KALRN: variants seen among roughly 807,000 people sequenced by gnomAD.
KALRN encodes the protein kalirin RhoGEF kinase.
KALRN carries 70 observed loss-of-function variants against 353.7 expected under a neutral mutation model. That is an observed-to-expected ratio of 0.20 (90% confidence interval 0.16 to 0.24). KALRN has a LOEUF of 0.24. Among genes scored for constraint, KALRN ranks in the 10% least tolerant of loss-of-function variants. The pLI is 1.00. For missense variants in KALRN, 2,791 were observed against 3,756.7 expected, an observed-to-expected ratio of 0.74 and a Z score of 6.72; for synonymous variants, 1,391 against 1,434.8, an observed-to-expected ratio of 0.97 and a Z score of 0.69.
chr3:124,037,432 AT>A (rs974233507), intron 1 of KALRN, among the ~76,000 whole-genome samples: 1 of 152,294 alleles, frequency 6.6e-6, no homozygotes, highest in Admixed American at 6.5e-5. Context: ...GGGAAACAGG[AT>A]TGGAGAAGTG....
At chr3:124,492,191 GA>G (rs1561123148) in intron 31 of KALRN, among the ~76,000 whole-genome samples, 1 of 151,958 alleles carries the variant, frequency 6.6e-6, no homozygotes, top group African/African-American at 2.4e-5. Context: ...AGAATTACCA[GA>G]AAAAAAATTC....
chr3:124,423,102 C>T (rs942309666), intron 15 of KALRN, 124 bp downstream of exon 15: 18 of 792,548 alleles, frequency 2.3e-5, no homozygotes, highest in African/African-American at 2.3e-4. Context: ...ACCAGCACTT[C>T]GAAAATAGGT....
chr3:124,640,203 T>C (rs1435215223), intron 37 of KALRN, among the ~76,000 whole-genome samples: 3 of 151,894 alleles, frequency 2.0e-5, no homozygotes, highest in Non-Finnish European at 2.9e-5. Context: ...AATGTACAGA[T>C]CAAAAGAAGC....
intron 1 of KALRN, among the ~76,000 whole-genome samples, chr3:124,197,633 G>T (rs148665105): frequency 1.8e-3 from 267 of 152,290 alleles, no homozygotes; most frequent in African/African-American, 6.1e-3. Flanking sequence ...TGTAAAGATA[G>T]ACCATTCTAA....
At chr3:124,328,833 T>C (rs2149423403) in intron 7 of KALRN, among the ~76,000 whole-genome samples, 1 of 152,356 alleles carries the variant, frequency 6.6e-6, no homozygotes, top group East Asian at 1.9e-4. Context: ...GTATCTATTT[T>C]TTAATGCAAT....
intron 4 of KALRN, among the ~76,000 whole-genome samples, chr3:124,267,195 A>G (rs1340565816): frequency 6.6e-6 from 1 of 152,218 alleles, no homozygotes; most frequent in Non-Finnish European, 1.5e-5. Context: ...TATACAACAG[A>G]TATATAATAA....
chr3:124,454,040 T>C (rs1405309150), intron 21 of KALRN, among the ~76,000 whole-genome samples: 1 of 152,220 alleles, frequency 6.6e-6, no homozygotes, highest in African/African-American at 2.4e-5. Flanking sequence ...AACAAACTCT[T>C]GCTAAAAATG....
At chr3:124,356,065 T>G (rs1025139960) in intron 10 of KALRN, among the ~76,000 whole-genome samples, 4 of 152,146 alleles carry the variant, frequency 2.6e-5, no homozygotes, top group Non-Finnish European at 5.9e-5. Flanking sequence ...CAAGAACAGC[T>G]TCTCTGAACT....
intron 3 of KALRN, among the ~76,000 whole-genome samples, chr3:124,264,122 TC>T (rs559980032): frequency 1.1e-3 from 174 of 151,706 alleles, no homozygotes; most frequent in African/African-American, 4.0e-3. Flanking sequence ...GTATCTCTAA[TC>T]CGAAAATCCA....
chr3:124,334,462 G>T lies in KALRN; in HGVS notation c.1614G>T (p.Leu538=). 1 of 1,613,918 alleles carries T rather than the reference G, an allele frequency of 6.2e-7. No individual in the cohort carries two copies. Among genetic ancestry groups the T allele is most frequent in the Non-Finnish European group, 8.5e-7 (1 of 1,179,844 alleles). The change falls in exon 9 of 60, where the codon CTG becomes CTT. Residue 538 remains leucine (L), a synonymous_variant. Coordinates refer to ENST00000682506, the MANE Select transcript of KALRN (RefSeq NM_001388419.1). This position sits in a 1 kb window ranked among gnomAD's most constrained non-coding sequence, Gnocchi z 4.2. The part of the protein sequence containing the change: ...QHRKVRLHQR[L]QLCVFQQDVQ... ...GCAAGGTGCGGCTCCACCAGCGGCT[G>T]CAGCTCTGCGTCTTCCAGCAGGATG...
intron 1 of KALRN, among the ~76,000 whole-genome samples, chr3:124,145,922 G>A (rs1172774539): frequency 5.3e-5 from 8 of 152,188 alleles, no homozygotes; most frequent in Non-Finnish European, 1.5e-5. Flanking sequence ...GGGACAAAGT[G>A]TTCTCTTTAG....
At chr3:124,405,644 T>G (rs1229716823) in intron 13 of KALRN, among the ~76,000 whole-genome samples, 3 of 142,324 alleles carry the variant, frequency 2.1e-5, no homozygotes, top group African/African-American at 7.8e-5. Flanking sequence ...CAGGGTTTTT[T>G]TTTTTTTTTT....
At chr3:124,304,386 G>A (rs1411702637) in intron 6 of KALRN, among the ~76,000 whole-genome samples, 1 of 152,000 alleles carries the variant, frequency 6.6e-6, no homozygotes, top group African/African-American at 2.4e-5. Flanking sequence ...ATAATCTCTG[G>A]GAGTAGGACC....
intron 10 of KALRN, among the ~76,000 whole-genome samples, chr3:124,351,717 TA>T (rs2082854678): frequency 6.6e-6 from 1 of 152,208 alleles, no homozygotes; most frequent in South Asian, 2.1e-4. Flanking sequence ...GCTATTAAAA[TA>T]GATGTAAATG....
chr3:124,398,738 C>T lies in KALRN; in HGVS notation c.2213C>T (p.Ser738Phe). ...AACAACAAAACACCCCACAGCAGCT[C>T]CATCAGCCACATCGAGTCGGTCCTG... Reference protein sequence around the residue: ...VSNNKTPHSSSISHIESVLQQ... With the variant: ...VSNNKTPHSSFISHIESVLQQ... Residue 738 changes from serine (S) to phenylalanine (F), a missense_variant, in exon 13 of 60, where the codon TCC (serine) becomes TTC (phenylalanine). By Grantham distance (155) the Ser-to-Phe change is radical (BLOSUM62 -2). Around this residue, in one of 11 missense-constraint regions of KALRN, gnomAD observed 452 missense variants for 575.8 expected, o/e 0.78. Transcript: ENST00000682506. 1 of 1,614,194 alleles carries T rather than the reference C, an allele frequency of 6.2e-7. No homozygotes were observed. The highest frequency in any genetic ancestry group is 8.5e-7 in the Non-Finnish European group (1 of 1,180,032).
At chr3:124,357,595 C>T (rs2083564339) in intron 10 of KALRN, among the ~76,000 whole-genome samples, 1 of 152,246 alleles carries the variant, frequency 6.6e-6, no homozygotes, top group Non-Finnish European at 1.5e-5. Flanking sequence ...ACTCCTTTAA[C>T]TGACCAGCTC....
At position 124,658,101 on chromosome 3, in the gene KALRN, G is replaced by A. The variant is rs552981164; in HGVS notation, c.6036+298G>A. On this transcript the variant is annotated intron_variant, in intron 41 of 59. Coordinates refer to ENST00000682506, the MANE Select transcript of KALRN (RefSeq NM_001388419.1). ...GCCTGGGAGGTCAAGACTGCAGTGA[G>A]CCATGATGGCCCCACCCTGCACTCC... Among the ~76,000 whole-genome samples, 113 of 152,302 alleles carry A rather than the reference G, an allele frequency of 7.4e-4. 1 individual carries two copies. The highest frequency in any genetic ancestry group is 2.5e-3 in the African/African-American group (105 of 41,558).
intron 3 of KALRN, among the ~76,000 whole-genome samples, chr3:124,246,232 T>G (rs1381800280): frequency 1.3e-5 from 2 of 152,258 alleles, no homozygotes; most frequent in Non-Finnish European, 2.9e-5. Context: ...CCAGGCACCA[T>G]TGTGCAAACA....
chr3:124,601,344 A>G (rs1323322418), intron 34 of KALRN, among the ~76,000 whole-genome samples: 1 of 152,242 alleles, frequency 6.6e-6, no homozygotes, highest in Non-Finnish European at 1.5e-5. Flanking sequence ...TAATAGCTTT[A>G]AATGAGCCAT....
Sources: allele counts gnomAD v4.1 joint callset (sites outside exome capture counted in the v4.1 genomes callset), GRCh38; gene constraint gnomAD v4.1.1; regional missense constraint gnomAD v4.1.1; non-coding constraint Gnocchi (gnomAD v3.1); transcripts MANE v1.5; gene names NCBI Gene and HGNC (gene_info 2026-07-23, HGNC 2026-07-21).